Variants in ADAP2 observed in about 807,000 individuals in gnomAD.
ADAP2 encodes arf-GAP with dual PH domain-containing protein 2.
ADAP2 carries 42 observed loss-of-function variants against 54.9 expected under a neutral mutation model. The observed-to-expected ratio is 0.77, with a 90% CI of 0.60 to 0.99. ADAP2 has a LOEUF of 0.99. Among genes scored for constraint, ADAP2 ranks in the 50% least tolerant of loss-of-function variants. The pLI, the probability that ADAP2 is intolerant of heterozygous loss-of-function variation, is 0.00. For missense variants in ADAP2, 429 were observed against 480.4 expected (o/e 0.89, Z 1.00); for synonymous variants, 177 against 180.1 (o/e 0.98, Z 0.14).
At chr17:30,925,183 ATTTTTT>A in intron 2 of ADAP2, among the ~76,000 whole-genome samples, 1 of 98,146 alleles carries the variant, frequency 1.0e-5, no homozygotes, top group African/African-American at 4.2e-5. Flanking sequence ...CGTGCCCAGC[ATTTTTT>A]TTTTTTTTTT....
rs565651307 is a variant in ADAP2 at position 30,936,553 on chromosome 17, T to C, written c.510+2256T>C. 4.7e-4 allele frequency among the ~76,000 whole-genome samples: 71 copies of C among 152,282 alleles called. 2 individuals carry two copies. Among genetic ancestry groups the C allele is most frequent in the South Asian group, 2.7e-3 (13 of 4,830 alleles). The stretch of plus-strand genomic sequence containing the variant: ...TTGGCGTTTCCCACATGGCAAATGA[T>C]GTTGAGCATCTTTTTAATGTGCTTA... On this transcript the variant is annotated intron_variant, in intron 5 of 10. Coordinates refer to ENST00000330889, the MANE Select transcript of ADAP2 (RefSeq NM_018404.3).
chr17:30,943,688 A>C (rs1333416084), intron 5 of ADAP2, among the ~76,000 whole-genome samples: 2 of 151,804 alleles, frequency 1.3e-5, no homozygotes, highest in Non-Finnish European at 1.5e-5. Context: ...CTCTACTAAA[A>C]ATACAAAAAT....
Position 30,954,352 on chromosome 17 carries a change from T to G in ADAP2, c.805-126T>G, listed in dbSNP as rs899948136. On this transcript the variant is annotated intron_variant, in intron 8 of 10. Transcript: ENST00000330889. ...AGGGAGAAGCACTAGGATGTCTGAC[T>G]GAGGAGGCTGGGCTGGAGAACCAGT... 5 of 762,788 alleles carry G rather than the reference T, an allele frequency of 6.6e-6. No homozygotes were observed. The Admixed American group carries it at 9.8e-5, about 15-fold the overall frequency. The allele number at this position is 762,788 out of a possible 1,614,324, so 47.3% of individuals were successfully genotyped here.
At chr17:30,952,101 A>C (rs968113140) in intron 7 of ADAP2, among the ~76,000 whole-genome samples, 20 of 152,078 alleles carry the variant, frequency 1.3e-4, no homozygotes, top group African/African-American at 4.6e-4. Flanking sequence ...TGTCATTTGA[A>C]GCTCTAGACT....
intron 4 of ADAP2, among the ~76,000 whole-genome samples, chr17:30,932,517 G>A (rs543042673): frequency 5.9e-4 from 89 of 150,830 alleles, no homozygotes; most frequent in African/African-American, 2.0e-3. Flanking sequence ...GCCTCCCAAA[G>A]TGCTGAGATT....
chr17:30,947,207 T>C, intron 6 of ADAP2, among the ~76,000 whole-genome samples: 1 of 152,088 alleles, frequency 6.6e-6, no homozygotes, highest in Non-Finnish European at 1.5e-5. Flanking sequence ...GCATGGAGGA[T>C]TGAAACAAAC....
At chr17:30,948,109 C>T (rs1343914051) in intron 6 of ADAP2, among the ~76,000 whole-genome samples, 2 of 152,108 alleles carry the variant, frequency 1.3e-5, no homozygotes, top group Non-Finnish European at 2.9e-5. Context: ...TGGGATGGAG[C>T]GGGCTAAGCA....
In ADAP2 at chr17:30,923,087, G is replaced by T; in HGVS notation, c.225+17G>T. On this transcript the variant is annotated intron_variant, in intron 2 of 10. Transcript: ENST00000330889. The stretch of plus-strand genomic sequence containing the variant: ...ATTGTGGAGGTAGAAAGGCATGCCC[G>T]TGGAGAGCCATGGAACTGCGGGACT... The T allele has an allele frequency of 6.2e-7, 1 of 1,612,694 alleles. No individual in the cohort carries two copies. The highest frequency in any genetic ancestry group is 8.5e-7 in the Non-Finnish European group (1 of 1,179,760).
intron 9 of ADAP2, 105 bp downstream of exon 9, chr17:30,954,660 C>T (rs1904928588): frequency 1.0e-5 from 10 of 971,734 alleles, no homozygotes; most frequent in Admixed American, 4.4e-5. Flanking sequence ...TCCCAGAGCC[C>T]CAGAGCTAGA....
chr17:30,956,798 A>G, intron 10 of ADAP2: 1 of 300,282 alleles, frequency 3.3e-6, no homozygotes, highest in Non-Finnish European at 6.3e-6. Flanking sequence ...CTCTATGCTG[A>G]TCCTTTTTCT....
intron 3 of ADAP2, among the ~76,000 whole-genome samples, chr17:30,927,881 G>A (rs989398416): frequency 6.6e-6 from 1 of 151,972 alleles, no homozygotes; most frequent in African/African-American, 2.4e-5. Context: ...AATGAACTTA[G>A]CCAGGGCATA....
chr17:30,944,791 A>T, intron 5 of ADAP2, 116 bp from the exon 6 acceptor site: 2 of 1,101,304 alleles, frequency 1.8e-6, no homozygotes, highest in Middle Eastern at 2.7e-4. Flanking sequence ...GAGCAAGAAC[A>T]TTTAAAACCC....
intron 2 of ADAP2, among the ~76,000 whole-genome samples, chr17:30,926,354 C>T (rs990441338): frequency 6.6e-6 from 1 of 152,188 alleles, no homozygotes; most frequent in Non-Finnish European, 1.5e-5. Context: ...ATGAGGCGAG[C>T]ACCCACTTCT....
Position 30,949,270 on chromosome 17 carries a change from TGCACTTCTCTCC to T in ADAP2, c.658-13_658-2del. ...ATCTCACTGCTGTGTGTGTGTCCTG[TGCACTTCTCTCC>T]GCAGGAGATAGTGGACTGGTTCAAT... On this transcript the variant is annotated splice_region_variant and splice_polypyrimidine_tract_variant and intron_variant, in intron 6 of 10. Coordinates refer to ENST00000330889, the MANE Select transcript of ADAP2 (RefSeq NM_018404.3). The T allele has an allele frequency of 6.2e-7, 1 of 1,610,384 alleles. No homozygotes were observed. Among genetic ancestry groups the T allele is most frequent in the Non-Finnish European group, 8.5e-7 (1 of 1,176,672 alleles).
At chr17:30,946,625 A>C (rs1226626040) in intron 6 of ADAP2, among the ~76,000 whole-genome samples, 1 of 152,166 alleles carries the variant, frequency 6.6e-6, no homozygotes, top group Non-Finnish European at 1.5e-5. Flanking sequence ...ATAACTAGGC[A>C]GGGGACAGAG....
intron 1 of ADAP2, 61 bp from the exon 2 acceptor site, chr17:30,922,879 C>T (rs1910742610): frequency 3.2e-6 from 5 of 1,585,840 alleles, no homozygotes; most frequent in Non-Finnish European, 3.4e-6. Flanking sequence ...TGCCCCGAGC[C>T]CAGCCCTGGT....
chr17:30,925,182 C>A (rs1404045879), intron 2 of ADAP2, among the ~76,000 whole-genome samples: 1 of 100,656 alleles, frequency 9.9e-6, no homozygotes, highest in Non-Finnish European at 2.0e-5. Flanking sequence ...CCGTGCCCAG[C>A]ATTTTTTTTT....
At chr17:30,951,088 G>C (rs1904596033) in intron 7 of ADAP2, among the ~76,000 whole-genome samples, 1 of 152,204 alleles carries the variant, frequency 6.6e-6, no homozygotes, top group African/African-American at 2.4e-5. Context: ...GGGTCCACAT[G>C]TTGGAAACCC....
rs192089142 is a variant in ADAP2 at position 30,935,674 on chromosome 17, T to C, written c.510+1377T>C. 3.7e-3 allele frequency among the ~76,000 whole-genome samples: 565 copies of C among 152,252 alleles called. 3 individuals are homozygous for C. The highest frequency in any genetic ancestry group is 0.024 in the South Asian group (117 of 4,828). On this transcript the variant is annotated intron_variant, in intron 5 of 10. Transcript: ENST00000330889. ...AGCCCCTGGGCCCCAGTCTCGAAAA[T>C]CAGAAGCCTGGTTTGCAGTTACCAG...
Sources: allele counts gnomAD v4.1 joint callset (sites outside exome capture counted in the v4.1 genomes callset), GRCh38; gene constraint gnomAD v4.1.1; transcripts MANE v1.5; gene names NCBI Gene and HGNC (gene_info 2026-07-23, HGNC 2026-07-21).